FDFT1: variants seen among roughly 807,000 people sequenced by gnomAD.
The protein encoded by FDFT1 is squalene synthase.
A neutral mutation model predicts 46.8 loss-of-function variants in FDFT1; 68 were observed. The ratio of observed to expected loss-of-function variants is 1.45; its 90% confidence interval spans 1.19 to 1.78. The LOEUF is 1.78. Ranked by LOEUF, FDFT1 falls within the 40% of genes most tolerant of loss-of-function variation. The pLI, the probability that FDFT1 is intolerant of heterozygous loss-of-function variation, is 0.00. For synonymous variants in FDFT1, 351 were observed against 185.1 expected, an observed-to-expected ratio of 1.90 and a Z score of -7.28; for missense variants, 928 against 524.4, an observed-to-expected ratio of 1.77 and a Z score of -7.52.
intron 1 of FDFT1, among the ~76,000 whole-genome samples, chr8:11,806,871 G>A (rs977707584): frequency 6.6e-6 from 1 of 152,126 alleles, no homozygotes; most frequent in African/African-American, 2.4e-5. Context: ...ATATATTTAT[G>A]TGCCAGACGC....
At chr8:11,820,947 C>T (rs1809151155) in intron 3 of FDFT1, among the ~76,000 whole-genome samples, 1 of 152,222 alleles carries the variant, frequency 6.6e-6, no homozygotes, top group African/African-American at 2.4e-5. Flanking sequence ...CCATCTTCTG[C>T]ATCGATCTTG....
intron 1 of FDFT1, among the ~76,000 whole-genome samples, chr8:11,806,421 T>G (rs967473673): frequency 6.6e-6 from 1 of 152,132 alleles, no homozygotes; most frequent in Admixed American, 6.5e-5. Flanking sequence ...GAAACCTGTT[T>G]ACAAGGTAAG....
intron 3 of FDFT1, among the ~76,000 whole-genome samples, chr8:11,810,933 T>TAAAAAAAA (rs71539744): frequency 1.1e-5 from 1 of 89,422 alleles, no homozygotes; most frequent in Non-Finnish European, 2.1e-5. Context: ...GAGCAATATT[T>TAAAAAAAA]AAAAAAAAAA....
intron 6 of FDFT1, 29 bp downstream of exon 6, chr8:11,830,449 A>C (rs1256650686): frequency 3.2e-6 from 5 of 1,544,138 alleles, no homozygotes; most frequent in Non-Finnish European, 4.5e-6. Context: ...CTGGGTGGAT[A>C]CGGGGCTAAA....
chr8:11,837,131 A>C (rs1452534254), intron 7 of FDFT1, among the ~76,000 whole-genome samples: 1 of 152,254 alleles, frequency 6.6e-6, no homozygotes, highest in African/African-American at 2.4e-5. Flanking sequence ...AGTTGAAGGG[A>C]CGTGGGAGGC....
At chr8:11,832,671 A>T (rs59515188) in intron 7 of FDFT1, among the ~76,000 whole-genome samples, 198 of 151,184 alleles carry the variant, frequency 1.3e-3, no homozygotes, top group African/African-American at 4.5e-3. Context: ...CTCCCCCCAG[A>T]GGACATTGGA....
chr8:11,808,774 T>C lies in FDFT1; in HGVS notation c.100-20T>C. On this transcript the variant is annotated intron_variant, in intron 1 of 7. Coordinates refer to ENST00000220584, the MANE Select transcript of FDFT1 (RefSeq NM_004462.5). ...TGCTCCTCGACGTCTCCCACCGCCG[T>C]GTGTGTTGTCTGCCCGCAGGACTCG... is the stretch of plus-strand genomic sequence containing the variant. 6.2e-7 allele frequency: 1 copy of C among 1,607,296 alleles called. No individual in the cohort carries two copies. Among genetic ancestry groups the C allele is most frequent in the Non-Finnish European group, 8.5e-7 (1 of 1,176,342 alleles).
chr8:11,838,912 CT>C lies in FDFT1; in HGVS notation c.*304del. 2.7e-6 allele frequency: 1 copy of C among 376,574 alleles called. No homozygotes were observed. The highest frequency in any genetic ancestry group is 4.9e-6 in the Non-Finnish European group (1 of 204,132). The allele number at this position is 376,574 out of a possible 1,614,324, so 23.3% of individuals were successfully genotyped here. A position where few individuals can be genotyped will look rare whatever the true frequency, so the allele number is the denominator to read the frequency against. On this transcript the variant is annotated 3_prime_UTR_variant, in exon 8 of 8. Coordinates refer to ENST00000220584, the MANE Select transcript of FDFT1 (RefSeq NM_004462.5). ...CTGCATATGTGACTGTCATGAGATCCTACTTAGTATGATCCTGGCTAGAATG... is the reference window on the plus strand; with the variant it reads ...CTGCATATGTGACTGTCATGAGATCCACTTAGTATGATCCTGGCTAGAATG...
At chr8:11,815,851 T>C (rs1389783983) in intron 3 of FDFT1, among the ~76,000 whole-genome samples, 1 of 152,242 alleles carries the variant, frequency 6.6e-6, no homozygotes, top group Non-Finnish European at 1.5e-5. Flanking sequence ...TCTTTTGCTG[T>C]GCAGAAGCTC....
intron 3 of FDFT1, among the ~76,000 whole-genome samples, chr8:11,819,508 C>T (rs1332273945): frequency 6.6e-6 from 1 of 152,168 alleles, no homozygotes; most frequent in African/African-American, 2.4e-5. Flanking sequence ...GGTCTTTTCA[C>T]ATAGTCGCAT....
chr8:11,796,389 A>G (rs1405684710), intron 1 of FDFT1, among the ~76,000 whole-genome samples: 1 of 152,190 alleles, frequency 6.6e-6, no homozygotes, highest in African/African-American at 2.4e-5. Flanking sequence ...ACAAGAGATT[A>G]TTAGAATACA....
intron 3 of FDFT1, 136 bp downstream of exon 3, chr8:11,809,986 C>A (rs1807476880): frequency 1.5e-6 from 1 of 654,744 alleles, no homozygotes; most frequent in Non-Finnish European, 2.5e-6. Flanking sequence ...GTTAAAAACT[C>A]CGGTAGCCAA....
intron 3 of FDFT1, among the ~76,000 whole-genome samples, chr8:11,819,244 T>G (rs992113655): frequency 6.6e-6 from 1 of 152,234 alleles, no homozygotes; most frequent in Non-Finnish European, 1.5e-5. Context: ...CTTCCCTTTG[T>G]GGGTAACCCG....
At chr8:11,826,549 C>A (rs974713428) in intron 5 of FDFT1, among the ~76,000 whole-genome samples, 1 of 152,246 alleles carries the variant, frequency 6.6e-6, no homozygotes, top group African/African-American at 2.4e-5. Flanking sequence ...CGCAGTGGCT[C>A]ATGCCTGTAA....
intron 3 of FDFT1, among the ~76,000 whole-genome samples, chr8:11,810,766 T>G (rs1011701361): frequency 6.6e-6 from 1 of 152,024 alleles, no homozygotes; most frequent in Non-Finnish European, 1.5e-5. Context: ...GTGTAATAGC[T>G]CGAAGAAGCC....
intron 1 of FDFT1, among the ~76,000 whole-genome samples, chr8:11,796,900 G>A (rs1480929180): frequency 6.6e-6 from 1 of 152,266 alleles, no homozygotes; most frequent in Non-Finnish European, 1.5e-5. Context: ...ACAGCTCCGT[G>A]ACTTTTCCTG....
At chr8:11,810,680 C>T (rs973550897) in intron 3 of FDFT1, among the ~76,000 whole-genome samples, 1 of 152,060 alleles carries the variant, frequency 6.6e-6, no homozygotes, top group African/African-American at 2.4e-5. Flanking sequence ...TCCTAGAATT[C>T]GCATGTCTTA....
intron 3 of FDFT1, chr8:11,810,104 G>T (rs1036215226): frequency 2.3e-6 from 1 of 441,398 alleles, no homozygotes; most frequent in Non-Finnish European, 4.0e-6. Flanking sequence ...CTGTAAAATA[G>T]GGGTAATAAT....
chr8:11,834,760 C>G (rs1322509500), intron 7 of FDFT1, among the ~76,000 whole-genome samples: 1 of 152,202 alleles, frequency 6.6e-6, no homozygotes, highest in Non-Finnish European at 1.5e-5. Context: ...CACAGAGGAG[C>G]TGCTGTATGT....
Sources: allele counts gnomAD v4.1 joint callset (sites outside exome capture counted in the v4.1 genomes callset), GRCh38; gene constraint gnomAD v4.1.1; transcripts MANE v1.5; gene names NCBI Gene and HGNC (gene_info 2026-07-23, HGNC 2026-07-21).